PHACTR2: variants seen among roughly 807,000 people sequenced by gnomAD.
PHACTR2 encodes the protein chromosome 6 open reading frame 56.
A neutral mutation model predicts 76.0 loss-of-function variants in PHACTR2; 30 were observed. The observed-to-expected ratio is 0.39, with a 90% CI of 0.30 to 0.54. The LOEUF is 0.54. Among genes scored for constraint, PHACTR2 ranks in the 20% least tolerant of loss-of-function variants. The pLI is 0.61. For synonymous variants in PHACTR2, 292 were observed against 292.5 expected, an observed-to-expected ratio of 1.00 and a Z score of 0.02; for missense variants, 696 against 781.1, an observed-to-expected ratio of 0.89 and a Z score of 1.30.
intron 1 of PHACTR2, among the ~76,000 whole-genome samples, chr6:143,594,069 T>G (rs764919864): frequency 2.6e-5 from 4 of 152,234 alleles, no homozygotes; most frequent in Non-Finnish European, 5.9e-5. Context: ...TGAAACTTTT[T>G]GAGAACCAAT....
At position 143,549,465 on chromosome 6, in the gene PHACTR2, G is replaced by A. The variant is rs1166459748; in HGVS notation, c.217+12258G>A. Reference sequence around the variant, plus strand: ...ATCTGGATTTATTGTTTTTTTATGGGGGTGACTGCTCCTTAGGCAGCTGAC... The same window carrying A: ...ATCTGGATTTATTGTTTTTTTATGGAGGTGACTGCTCCTTAGGCAGCTGAC... On this transcript the variant is annotated intron_variant, in intron 1 of 11. Coordinates refer to the PHACTR2 transcript ENST00000367584. This position sits in a 1 kb window ranked among gnomAD's most constrained non-coding sequence, Gnocchi z 4.2. 6.6e-6 allele frequency among the ~76,000 whole-genome samples: 1 copy of A among 151,862 alleles called. No individual in the cohort carries two copies. Among genetic ancestry groups the A allele is most frequent in the East Asian group, 1.9e-4 (1 of 5,182 alleles).
rs1775471364 is a variant in PHACTR2 at position 143,783,117 on chromosome 6, T to A, written c.1646-102T>A. On this transcript the variant is annotated intron_variant, in intron 9 of 12. Coordinates refer to ENST00000440869, the MANE Select transcript of PHACTR2 (RefSeq NM_001100164.2). The surrounding 1 kb of genome is among the most constrained non-coding windows in gnomAD (Gnocchi z 5.2). ...TTAACAATGTTGGTTGTGTGTTTGA[T>A]CATTATTTGTTAGAGTCACATGATC... The A allele has an allele frequency of 2.9e-6, 2 of 679,004 alleles. No individual in the cohort carries two copies. Among genetic ancestry groups the A allele is most frequent in the South Asian group, 1.7e-5 (1 of 58,300 alleles). 42.1% of individuals were successfully genotyped at this position (679,004 alleles called of 1,614,324 possible). A position where few individuals can be genotyped will look rare whatever the true frequency, so the allele number is the denominator to read the frequency against.
In PHACTR2 at chr6:143,562,291, G is replaced by C. The variant is rs766493652; in HGVS notation, c.217+25084G>C. Among the ~76,000 whole-genome samples the C allele has an allele frequency of 2.3e-4, 35 of 152,160 alleles. No individual in the cohort carries two copies. Among genetic ancestry groups the C allele is most frequent in the Admixed American group, 2.0e-4 (3 of 15,276 alleles). ...AGGCTGTACAGGAAGCACGGTGCTG[G>C]CATCTGCTTGGCCTCCCCAGGCCTC... is the stretch of plus-strand genomic sequence containing the variant. On this transcript the variant is annotated intron_variant, in intron 1 of 11. Transcript: ENST00000367584. The surrounding 1 kb of genome is among the most constrained non-coding windows in gnomAD (Gnocchi z 5.1).
intron 1 of PHACTR2, among the ~76,000 whole-genome samples, chr6:143,637,338 A>AAAGG (rs560636414): frequency 9.2e-5 from 14 of 152,194 alleles, no homozygotes; most frequent in East Asian, 5.8e-4. Flanking sequence ...GAAAGGAAGA[A>AAAGG]AAGGAAGGAA....
Position 143,653,274 on chromosome 6 carries a change from T to C in PHACTR2, c.13+44952T>C, listed in dbSNP as rs188762911. ...GTCAAGCTGTCACAAAGTTCATGAC[T>C]TGGTTTTTCCACTCTTGTAAAATGA... On this transcript the variant is annotated intron_variant, in intron 1 of 11. Transcript: ENST00000305766. This position sits in a 1 kb window ranked among gnomAD's most constrained non-coding sequence, Gnocchi z 4.9. Among the ~76,000 whole-genome samples, 184 of 152,312 alleles carry C rather than the reference T, an allele frequency of 1.2e-3. 1 individual carries two copies. The highest frequency in any genetic ancestry group is 4.2e-3 in the African/African-American group (176 of 41,572).
At chr6:143,575,163 T>A (rs1775490837) in intron 1 of PHACTR2, among the ~76,000 whole-genome samples, 1 of 152,260 alleles carries the variant, frequency 6.6e-6, no homozygotes, top group African/African-American at 2.4e-5. Context: ...TTTTAATGTT[T>A]TACTTTACAT....
In PHACTR2 at chr6:143,541,143, AT is replaced by A. The variant is rs1433075392; in HGVS notation, c.217+3941del. Among the ~76,000 whole-genome samples the A allele has an allele frequency of 6.6e-6, 1 of 152,348 alleles. No homozygotes were observed. The highest frequency in any genetic ancestry group is 2.4e-5 in the African/African-American group (1 of 41,572). On this transcript the variant is annotated intron_variant, in intron 1 of 11. Transcript: ENST00000367584. The surrounding 1 kb of genome is among the most constrained non-coding windows in gnomAD (Gnocchi z 5.3). ...TGTAAATAAAGTGATGTTTAACTCA[AT>A]TTTTAAAGTAAAATCTTGAAACAAG...
chr6:143,797,606 G>T lies in PHACTR2; in HGVS notation c.1845+8696G>T, dbSNP rs143711594. On this transcript the variant is annotated intron_variant, in intron 11 of 12. Transcript: ENST00000440869. The stretch of plus-strand genomic sequence containing the variant: ...ATTTTTGTATAAGGTGTAAGGAAGG[G>T]GTCCAGTTCCAGTTTTCTGCATATG... Among the ~76,000 whole-genome samples the T allele has an allele frequency of 3.7e-3, 564 of 152,242 alleles. 2 individuals are homozygous for T. Among genetic ancestry groups the T allele is most frequent in the Non-Finnish European group, 6.0e-3 (408 of 68,022 alleles).
At chr6:143,645,564 A>G (rs894848033) in intron 1 of PHACTR2, among the ~76,000 whole-genome samples, 7 of 152,196 alleles carry the variant, frequency 4.6e-5, no homozygotes, top group Non-Finnish European at 1.0e-4. Flanking sequence ...GTGTGGCGCT[A>G]AAGTGTTTGG....
chr6:143,771,708 G>A (rs1188539396), intron 6 of PHACTR2, among the ~76,000 whole-genome samples: 3 of 152,036 alleles, frequency 2.0e-5, no homozygotes, highest in Admixed American at 2.0e-4. Context: ...AAGTGCTGGA[G>A]TTACAGGTGT....
chr6:143,739,063 A>ATTAT lies in PHACTR2; in HGVS notation c.215-9907_215-9904dup, dbSNP rs902792821. 1.5e-4 allele frequency among the ~76,000 whole-genome samples: 23 copies of ATTAT among 151,966 alleles called. No individual in the cohort carries two copies. The highest frequency in any genetic ancestry group is 3.4e-3 in the Middle Eastern group (1 of 292). ...CAGCTGAGATTCACTTTATTTATTT[A>ATTAT]TTATTTATTTATTTATTTTTGAGAC... On this transcript the variant is annotated intron_variant, in intron 2 of 12. Coordinates refer to ENST00000440869, the MANE Select transcript of PHACTR2 (RefSeq NM_001100164.2). This position sits in a 1 kb window ranked among gnomAD's most constrained non-coding sequence, Gnocchi z 4.3.
At chr6:143,768,938 C>T (rs1056718484) in intron 6 of PHACTR2, among the ~76,000 whole-genome samples, 1 of 152,216 alleles carries the variant, frequency 6.6e-6, no homozygotes, top group African/African-American at 2.4e-5. Flanking sequence ...TAAGTAGTCT[C>T]TCAAATTTCC....
rs1261436819 is a variant in PHACTR2, at chr6:143,641,013, A to G, written c.13+32691A>G. Among the ~76,000 whole-genome samples, 1 of 152,188 alleles carries G rather than the reference A, an allele frequency of 6.6e-6. No homozygotes were observed. On this transcript the variant is annotated intron_variant, in intron 1 of 11. Transcript: ENST00000305766. This position sits in a 1 kb window ranked among gnomAD's most constrained non-coding sequence, Gnocchi z 5.8. The stretch of plus-strand genomic sequence containing the variant: ...TCTGAGACAGGGTAATTTATAATGA[A>G]TGAGAATGTATTTCTCATAGTTCTG...
chr6:143,549,357 G>A lies in PHACTR2; in HGVS notation c.217+12150G>A, dbSNP rs907661945. 3.9e-5 allele frequency among the ~76,000 whole-genome samples: 6 copies of A among 152,058 alleles called. No individual in the cohort carries two copies. The highest frequency in any genetic ancestry group is 4.4e-5 in the Non-Finnish European group (3 of 67,976). ...ATTCAGAGGCCTGCTCGGGGTGCGGGATGGCATTCCTTTGGCTTAATCTGA... is the reference window on the plus strand; with the variant it reads ...ATTCAGAGGCCTGCTCGGGGTGCGGAATGGCATTCCTTTGGCTTAATCTGA... On this transcript the variant is annotated intron_variant, in intron 1 of 11. Coordinates refer to the PHACTR2 transcript ENST00000367584. The surrounding 1 kb of genome is among the most constrained non-coding windows in gnomAD (Gnocchi z 4.2).
rs1347978566 is a variant in PHACTR2, at chr6:143,761,813, G to A, written c.694+1173G>A. On this transcript the variant is annotated intron_variant, in intron 5 of 12. Transcript: ENST00000440869. The surrounding 1 kb of genome is among the most constrained non-coding windows in gnomAD (Gnocchi z 5.2). ...GCAACTTTCTAGCAGTTGACTGTCAGGATTTGCCTTGGTGTTGATCTTTTT... is the reference window on the plus strand; with the variant it reads ...GCAACTTTCTAGCAGTTGACTGTCAAGATTTGCCTTGGTGTTGATCTTTTT... Among the ~76,000 whole-genome samples the A allele has an allele frequency of 6.6e-6, 1 of 152,144 alleles. No homozygotes were observed. Among genetic ancestry groups the A allele is most frequent in the Non-Finnish European group, 1.5e-5 (1 of 68,020 alleles).
At position 143,537,772 on chromosome 6, in the gene PHACTR2, T is replaced by G. The variant is rs556882870; in HGVS notation, c.217+565T>G. 6.6e-6 allele frequency among the ~76,000 whole-genome samples: 1 copy of G among 151,854 alleles called. No individual in the cohort carries two copies. Among genetic ancestry groups the G allele is most frequent in the East Asian group, 1.9e-4 (1 of 5,142 alleles). ...GTTAATGGGGGAGAGCAGGGGAGAG[T>G]TTGGCGGGCTGTTTGTGCCTCTCAT... On this transcript the variant is annotated intron_variant, in intron 1 of 11. Coordinates refer to the PHACTR2 transcript ENST00000367584. The surrounding 1 kb of genome is among the most constrained non-coding windows in gnomAD (Gnocchi z 4.4).
Position 143,830,547 on chromosome 6 carries a change from A to T in PHACTR2, c.*6858A>T, listed in dbSNP as rs1303127819. 1.3e-5 allele frequency: 2 copies of T among 152,210 alleles called. No homozygotes were observed. Among genetic ancestry groups the T allele is most frequent in the African/African-American group, 4.8e-5 (2 of 41,456 alleles). 9.4% of individuals were successfully genotyped at this position (152,210 alleles called of 1,614,324 possible). On this transcript the variant is annotated 3_prime_UTR_variant, in exon 13 of 13. Coordinates refer to ENST00000440869, the MANE Select transcript of PHACTR2 (RefSeq NM_001100164.2). ...GTTCTTATCTGTACTGTATTATAGT[A>T]TGTGGGTATAAATATCTACAAGTAT...
At position 143,658,898 on chromosome 6, in the gene PHACTR2, G is replaced by A. The variant is rs528272910; in HGVS notation, c.13+50576G>A. ...AACTTAGCCGGTCAGGGTGGCATGC[G>A]CCTATAATCTCAGCTGCTCTGAGGC... On this transcript the variant is annotated intron_variant, in intron 1 of 11. Coordinates refer to the PHACTR2 transcript ENST00000305766. The surrounding 1 kb of genome is among the most constrained non-coding windows in gnomAD (Gnocchi z 4.1). Among the ~76,000 whole-genome samples, 30 of 151,928 alleles carry A rather than the reference G, an allele frequency of 2.0e-4. No individual in the cohort carries two copies. The highest frequency in any genetic ancestry group is 4.2e-4 in the South Asian group (2 of 4,798).
chr6:143,564,196 C>CATATATATATATATATAT (rs59017997), intron 1 of PHACTR2, among the ~76,000 whole-genome samples: 2 of 40,284 alleles, frequency 5.0e-5, no homozygotes, highest in Admixed American at 2.7e-4. Context: ...TGTGTGTGTG[C>CATATATATATATATATAT]ATATATATAT....
Sources: gnomAD v4.1 joint callset for allele counts (sites outside exome capture counted in the v4.1 genomes callset) on GRCh38, gnomAD v4.1.1 for gene constraint, Gnocchi (gnomAD v3.1) non-coding constraint, MANE v1.5 for transcripts, NCBI Gene and HGNC (gene_info 2026-07-23, HGNC 2026-07-21) for gene names.